The following HCN2 variants were observed in gnomAD, a reference collection of about 807,000 sequenced individuals.
HCN2 encodes potassium/sodium hyperpolarization-activated cyclic nucleotide-gated channel 2.
HCN2 carries 20 observed loss-of-function variants against 52.3 expected under a neutral mutation model. That is an observed-to-expected ratio of 0.38 (90% confidence interval 0.27 to 0.56). The LOEUF (loss-of-function observed/expected upper bound fraction) is 0.56. Among genes scored for constraint, HCN2 ranks in the 20% least tolerant of loss-of-function variants. The pLI, the probability that HCN2 is intolerant of heterozygous loss-of-function variation, is 0.71. For synonymous variants in HCN2, 694 were observed against 537.0 expected (o/e 1.29, Z -4.04); for missense variants, 981 against 1,207.7 (o/e 0.81, Z 2.78).
Position 613,698 on chromosome 19 carries a change from T to TCCGGGGCCGGGGCCGGGGCC in HCN2, c.1826-154_1826-153insCCGGGGCCGGGGCCGGGGCC, listed in dbSNP as rs1983765205. Among the ~76,000 whole-genome samples the TCCGGGGCCGGGGCCGGGGCC allele has an allele frequency of 7.4e-4, 12 of 16,266 alleles. 1 individual carries two copies. The highest frequency in any genetic ancestry group is 8.1e-3 in the East Asian group (2 of 248). The allele number at this position is 16,266 out of a possible 152,430, so 10.7% of individuals were successfully genotyped here. ...ATGGGGCCGGGGATGGGGCCGGGGATGGGGCCGGGGATGGGGCCGGGGCCG... is the reference window on the plus strand; with the variant it reads ...ATGGGGCCGGGGATGGGGCCGGGGATCCGGGGCCGGGGCCGGGGCCGGGGCCGGGGATGGGGCCGGGGCCG... On this transcript the variant is annotated intron_variant, in intron 6 of 7. Coordinates refer to ENST00000251287, the MANE Select transcript of HCN2 (RefSeq NM_001194.4).
At chr19:596,767 G>T (rs1213526190) in intron 1 of HCN2, among the ~76,000 whole-genome samples, 1 of 152,118 alleles carries the variant, frequency 6.6e-6, no homozygotes, top group African/African-American at 2.4e-5. Flanking sequence ...GTGGGGTTGG[G>T]CTTTGGGCCT....
intron 5 of HCN2, among the ~76,000 whole-genome samples, chr19:610,965 G>A (rs1983609981): frequency 6.6e-6 from 1 of 152,124 alleles, no homozygotes; most frequent in East Asian, 1.9e-4. Context: ...CGGCGTCTGG[G>A]GCTCCAGGCG....
At position 616,646 on chromosome 19, in the gene HCN2, C is replaced by T. The variant is rs1983948373; in HGVS notation, c.*172C>T. ...GGCCGGCGGGGCAGCCCCCTCCGCG[C>T]CCCCGGCCGTCCCCCCTCATCGCCC... On this transcript the variant is annotated 3_prime_UTR_variant, in exon 8 of 8. Transcript: ENST00000251287. 2 of 287,728 alleles carry T rather than the reference C, an allele frequency of 7.0e-6. No individual in the cohort carries two copies. Among genetic ancestry groups the T allele is most frequent in the Non-Finnish European group, 1.2e-5 (2 of 165,584 alleles). 17.8% of individuals were successfully genotyped at this position (287,728 alleles called of 1,614,324 possible).
chr19:613,551 C>T lies in HCN2; in HGVS notation c.1825+63C>T, dbSNP rs1408235322. On this transcript the variant is annotated intron_variant, in intron 6 of 7. Coordinates refer to ENST00000251287, the MANE Select transcript of HCN2 (RefSeq NM_001194.4). ...CACGCGACCCCCGCGGTGTGCAGAG[C>T]CAGGGGGCCGGGGCCGGGGCCGGGG... is the stretch of plus-strand genomic sequence containing the variant. 6.7e-5 allele frequency: 58 copies of T among 863,314 alleles called. 1 individual carries two copies. The Admixed American group carries it at 1.4e-3, about 20-fold the overall frequency. The allele number at this position is 863,314 out of a possible 1,614,324, so 53.5% of individuals were successfully genotyped here.
chr19:599,598 T>C (rs996681468), intron 1 of HCN2, among the ~76,000 whole-genome samples: 4 of 148,544 alleles, frequency 2.7e-5, no homozygotes, highest in Admixed American at 6.8e-5. Context: ...GCTAACATGG[T>C]GAAACCCCGT....
chr19:589,894 G>GT lies in HCN2; in HGVS notation c.-52_-51insT, dbSNP rs1982808979. On this transcript the variant is annotated 5_prime_UTR_variant, in exon 1 of 8. Transcript: ENST00000251287. ...CGCCTCCCCCCTCCCTCGGGCTCCG[G>GT]CCGGCGGCGGCGGCGGCGGCTCCGC... is the stretch of plus-strand genomic sequence containing the variant. 1 of 698,442 alleles carries GT rather than the reference G, an allele frequency of 1.4e-6. No individual in the cohort carries two copies. Among genetic ancestry groups the GT allele is most frequent in the East Asian group, 1.6e-4 (1 of 6,430 alleles). The allele number at this position is 698,442 out of a possible 1,614,324, so 43.3% of individuals were successfully genotyped here.
chr19:607,259 G>A (rs919105482), intron 3 of HCN2, among the ~76,000 whole-genome samples: 1 of 152,250 alleles, frequency 6.6e-6, no homozygotes, highest in African/African-American at 2.4e-5. Flanking sequence ...GGTTAGTTAT[G>A]GGAGCCCTCG....
At chr19:604,376 T>G (rs1364742902) in intron 2 of HCN2, among the ~76,000 whole-genome samples, 3 of 97,086 alleles carry the variant, frequency 3.1e-5, no homozygotes, top group African/African-American at 4.3e-5. Context: ...AATGGTGCAG[T>G]GGTAGAGCCA....
At chr19:597,317 G>A (rs945023241) in intron 1 of HCN2, among the ~76,000 whole-genome samples, 1 of 152,244 alleles carries the variant, frequency 6.6e-6, no homozygotes, top group Admixed American at 6.5e-5. Flanking sequence ...TCATCCTGCA[G>A]TCCCACTTCC....
At chr19:610,460 C>G (rs1441174120) in intron 5 of HCN2, 55 bp downstream of exon 5, 26 of 1,539,692 alleles carry the variant, frequency 1.7e-5, no homozygotes, top group African/African-American at 2.7e-5. Flanking sequence ...GCCGGCCTCC[C>G]TCTCCTGGAG....
At chr19:600,500 C>T (rs1600522061) in intron 1 of HCN2, among the ~76,000 whole-genome samples, 1 of 152,130 alleles carries the variant, frequency 6.6e-6, no homozygotes, top group African/African-American at 2.4e-5. Flanking sequence ...GCCATCATGC[C>T]CAGCCAATTT....
chr19:612,717 A>T (rs10404628), intron 5 of HCN2, among the ~76,000 whole-genome samples: 43,645 of 142,756 alleles, frequency 0.31, 8,210 homozygotes, highest in African/African-American at 0.55. Context: ...GCCCGGCCTT[A>T]TTTTTCCCCC....
chr19:590,283 G>T lies in HCN2; in HGVS notation c.338G>T (p.Gly113Val). 3 of 989,458 alleles carry T rather than the reference G, an allele frequency of 3.0e-6. No homozygotes were observed. Among genetic ancestry groups the T allele is most frequent in the Non-Finnish European group, 3.6e-6 (3 of 834,496 alleles). The allele number at this position is 989,458 out of a possible 1,614,324, so 61.3% of individuals were successfully genotyped here. The change falls in exon 1 of 8, where the codon GGG (glycine) becomes GTG (valine). Residue 113 changes from glycine to valine, a missense_variant. By Grantham distance (109) the Gly-to-Val change is moderately radical. This residue lies in a region of HCN2 where 215 missense variants were observed against 179.4 expected (regional missense o/e 1.20). Coordinates refer to ENST00000251287, the MANE Select transcript of HCN2 (RefSeq NM_001194.4). This position sits in a 1 kb window ranked among gnomAD's most constrained non-coding sequence, Gnocchi z 7.2. ...GGCGAGCCGCAGTGCAGCCCCGCGG[G>T]GCCCGAGGGCCCGGCGCGGGGGCCC... Reference protein sequence around the residue: ...GRGEPQCSPAGPEGPARGPKV... With the variant: ...GRGEPQCSPAVPEGPARGPKV...
In HCN2 at chr19:616,392, G is replaced by A. The variant is rs775586517; in HGVS notation, c.2588G>A (p.Arg863His). Residue 863 changes from arginine (R) to histidine (H), a missense_variant, in exon 8 of 8, where the codon CGC (arginine) becomes CAC (histidine). Coordinates refer to ENST00000251287, the MANE Select transcript of HCN2 (RefSeq NM_001194.4). Reference protein sequence around the residue: ...AARAAAPSPDRRDSASPGAAG... With the variant: ...AARAAAPSPDHRDSASPGAAG... ...CGGGCCGCCGCGCCCAGCCCGGACC[G>A]CAGGGACTCGGCCTCACCCGGCGCC... 29 of 1,238,752 alleles carry A rather than the reference G, an allele frequency of 2.3e-5. No homozygotes were observed. Among genetic ancestry groups the A allele is most frequent in the Middle Eastern group, 3.3e-4 (1 of 3,016 alleles). The allele number at this position is 1,238,752 out of a possible 1,614,324, so 76.7% of individuals were successfully genotyped here.
chr19:608,222 G>A (rs1237971796), intron 4 of HCN2, 40 bp downstream of exon 4: 12 of 1,575,074 alleles, frequency 7.6e-6, no homozygotes, highest in Non-Finnish European at 1.0e-5. Context: ...TCTGATGGGG[G>A]AGGCGGGCCT....
intron 1 of HCN2, among the ~76,000 whole-genome samples, chr19:600,390 G>C (rs567333632): frequency 2.6e-5 from 4 of 152,138 alleles, no homozygotes; most frequent in African/African-American, 9.6e-5. Flanking sequence ...TGCCAGGCTG[G>C]AGTGCCATGG....
In HCN2 at chr19:605,369, G is replaced by A. The variant is rs539221540; in HGVS notation, c.1218+147G>A. On this transcript the variant is annotated intron_variant, in intron 3 of 7. Transcript: ENST00000251287. ...CGCCCCCTTATGGAGGGGAGGACTC[G>A]GGCCCTTACAGAGGTGGGGACCCAG... 13 of 425,218 alleles carry A rather than the reference G, an allele frequency of 3.1e-5. 1 individual carries two copies. The highest frequency in any genetic ancestry group is 6.6e-5 in the African/African-American group (3 of 45,342). 26.3% of individuals were successfully genotyped at this position (425,218 alleles called of 1,614,324 possible).
intron 2 of HCN2, 79 bp from the exon 3 acceptor site, chr19:604,981 TG>T (rs1268404638): frequency 3.1e-5 from 39 of 1,251,150 alleles, no homozygotes; most frequent in Non-Finnish European, 4.0e-5. Context: ...GCTCCCGCAG[TG>T]GGGGCGCACG....
In HCN2 at chr19:615,954, C is replaced by A. The variant is rs774991416; in HGVS notation, c.2150C>A (p.Pro717Gln). 1.2e-5 allele frequency: 19 copies of A among 1,575,188 alleles called. No individual in the cohort carries two copies. In the African/African-American group the frequency reaches 2.5e-4, roughly 21 times the overall value. The stretch of plus-strand genomic sequence containing the variant: ...CAGCGCGTGGGCCTCTTCCCGCCGC[C>A]GCCGCCGCCGCCGCAGGTCACCTCG... ...LGQRVGLFPP[P>Q]PPPPQVTSAI... Residue 717 changes from proline (P) to glutamine (Q), a missense_variant, in exon 8 of 8, where the codon CCG becomes CAG. Pro to Gln is a moderately conservative substitution (Grantham distance 76). This residue lies in a region of HCN2 where 368 missense variants were observed against 314.8 expected (regional missense o/e 1.17). Transcript: ENST00000251287.
Sources: gnomAD v4.1 joint callset for allele counts (sites outside exome capture counted in the v4.1 genomes callset) on GRCh38, gnomAD v4.1.1 for gene constraint, gnomAD v4.1.1 regional missense constraint, Gnocchi (gnomAD v3.1) non-coding constraint, MANE v1.5 for transcripts, NCBI Gene and HGNC (gene_info 2026-07-23, HGNC 2026-07-21) for gene names.